Variants in SLC8A1 observed in about 807,000 individuals in gnomAD.
SLC8A1 encodes solute carrier family 8 member A1.
Under a neutral mutation model 68.3 loss-of-function variants are expected in SLC8A1, and 18 were observed. The observed-to-expected ratio is 0.26, with a 90% CI of 0.18 to 0.39. The LOEUF is 0.39. Among genes scored for constraint, SLC8A1 ranks in the 10% least tolerant of loss-of-function variants. The pLI is 1.00. For missense variants in SLC8A1, 985 were observed against 1,156.7 expected (o/e 0.85, Z 2.15); for synonymous variants, 475 against 415.5 (o/e 1.14, Z -1.74).
rs543749003 is a variant in SLC8A1, at chr2:40,434,194, G to A, written c.-24-3890C>T. On this transcript the variant is annotated intron_variant, in intron 1 of 7. Transcript: ENST00000406785. ...GTAAAAATCCATCATCATTATCAGA[G>A]AAAAAGGAAGGGGGCTTCCGGTGTT... Among the ~76,000 whole-genome samples, 11 of 152,188 alleles carry A rather than the reference G, an allele frequency of 7.2e-5. 1 individual carries two copies. The South Asian group carries it at 2.1e-3, about 29-fold the overall frequency.
At chr2:40,376,764 G>T (rs912752077) in intron 2 of SLC8A1, among the ~76,000 whole-genome samples, 5 of 152,032 alleles carry the variant, frequency 3.3e-5, no homozygotes, top group Non-Finnish European at 7.4e-5. Flanking sequence ...TTGAGCAGCT[G>T]GGCTAGCAGA....
intron 2 of SLC8A1, among the ~76,000 whole-genome samples, chr2:40,323,938 A>C (rs1379006149): frequency 6.6e-6 from 1 of 152,006 alleles, no homozygotes; most frequent in Non-Finnish European, 1.5e-5. Flanking sequence ...AGTCTGTACA[A>C]AATTTTGCTT....
At chr2:40,464,224 G>T (rs755237110) in intron 1 of SLC8A1, among the ~76,000 whole-genome samples, 1 of 152,210 alleles carries the variant, frequency 6.6e-6, no homozygotes. Flanking sequence ...TATATTTCGG[G>T]CAGTTCCCTG....
At chr2:40,496,521 T>C (rs1705712614) in intron 1 of SLC8A1, among the ~76,000 whole-genome samples, 1 of 152,008 alleles carries the variant, frequency 6.6e-6, no homozygotes, top group Non-Finnish European at 1.5e-5. Context: ...AGCTTGACTT[T>C]TAAAAGGTTA....
intron 2 of SLC8A1, among the ~76,000 whole-genome samples, chr2:40,343,744 T>A (rs1410121892): frequency 6.6e-6 from 1 of 152,104 alleles, no homozygotes; most frequent in South Asian, 2.1e-4. Flanking sequence ...CTGAGAAAAA[T>A]ATGAATGGGA....
intron 2 of SLC8A1, among the ~76,000 whole-genome samples, chr2:40,326,808 T>C (rs965737326): frequency 2.0e-5 from 3 of 152,176 alleles, no homozygotes; most frequent in Non-Finnish European, 4.4e-5. Context: ...ATTCTCTTAA[T>C]CTAATCTGTT....
At chr2:40,345,177 T>G (rs954676489) in intron 2 of SLC8A1, among the ~76,000 whole-genome samples, 1 of 151,944 alleles carries the variant, frequency 6.6e-6, no homozygotes, top group Non-Finnish European at 1.5e-5. Context: ...GAGTGAAGGG[T>G]AGATGTTTTG....
At chr2:40,391,236 A>T (rs1272797440) in intron 2 of SLC8A1, among the ~76,000 whole-genome samples, 1 of 151,616 alleles carries the variant, frequency 6.6e-6, no homozygotes, top group African/African-American at 2.4e-5. Context: ...GTACATATGC[A>T]CACTCACAAA....
chr2:40,270,466 T>C (rs932038888), intron 2 of SLC8A1, among the ~76,000 whole-genome samples: 1 of 152,222 alleles, frequency 6.6e-6, no homozygotes. Flanking sequence ...TCTGTTTCCT[T>C]GCCTTTTCCA....
At chr2:40,457,344 C>A (rs564951322) in intron 1 of SLC8A1, among the ~76,000 whole-genome samples, 1 of 152,276 alleles carries the variant, frequency 6.6e-6, no homozygotes, top group African/African-American at 2.4e-5. Flanking sequence ...GATTACACTT[C>A]AGCCTTTTTC....
At chr2:40,293,928 C>T (rs185939447) in intron 2 of SLC8A1, among the ~76,000 whole-genome samples, 8 of 152,136 alleles carry the variant, frequency 5.3e-5, no homozygotes, top group African/African-American at 9.6e-5. Flanking sequence ...ATTGATTGGG[C>T]GCAAAGATCA....
chr2:40,489,478 C>G (rs541523809), intron 1 of SLC8A1, among the ~76,000 whole-genome samples: 1 of 152,050 alleles, frequency 6.6e-6, no homozygotes, highest in Non-Finnish European at 1.5e-5. Context: ...TGCCTTTTCA[C>G]CCACCGAAAA....
intron 7 of SLC8A1, among the ~76,000 whole-genome samples, chr2:40,128,433 A>G (rs2038610042): frequency 6.6e-6 from 1 of 152,184 alleles, no homozygotes; most frequent in Non-Finnish European, 1.5e-5. Context: ...TAATGGTTGT[A>G]ATGGATTTGA....
At chr2:40,386,715 T>C (rs947057124) in intron 2 of SLC8A1, among the ~76,000 whole-genome samples, 4 of 150,838 alleles carry the variant, frequency 2.7e-5, no homozygotes, top group East Asian at 1.9e-4. Context: ...CATATATTCA[T>C]GTACGGAAAC....
At chr2:40,491,400 T>G (rs953478310) in intron 1 of SLC8A1, among the ~76,000 whole-genome samples, 9 of 152,158 alleles carry the variant, frequency 5.9e-5, no homozygotes, top group African/African-American at 1.7e-4. Context: ...ACAATGGGGT[T>G]TTCTAGATAT....
chr2:40,464,068 T>C lies in SLC8A1; in HGVS notation c.-24-33764A>G, dbSNP rs114891547. 9.0e-3 allele frequency among the ~76,000 whole-genome samples: 1,366 copies of C among 152,190 alleles called. 7 individuals are homozygous for C. Among genetic ancestry groups the C allele is most frequent in the Non-Finnish European group, 0.014 (976 of 67,992 alleles). On this transcript the variant is annotated intron_variant, in intron 1 of 7. Coordinates refer to the SLC8A1 transcript ENST00000402441. ...TGCCACCACGCCAGGCTAGTTATTGTATTTTTAGTAGAGACGGGGTTTCAC... is the reference window on the plus strand; with the variant it reads ...TGCCACCACGCCAGGCTAGTTATTGCATTTTTAGTAGAGACGGGGTTTCAC...
intron 2 of SLC8A1, among the ~76,000 whole-genome samples, chr2:40,401,075 C>T (rs533735840): frequency 1.3e-5 from 2 of 152,288 alleles, no homozygotes; most frequent in Admixed American, 1.3e-4. Flanking sequence ...GAGGTGGGCA[C>T]ATTTATTACT....
chr2:40,130,857 C>T (rs2110923), intron 7 of SLC8A1, among the ~76,000 whole-genome samples: 28,922 of 152,164 alleles, frequency 0.19, 2,961 homozygotes, highest in African/African-American at 0.25. Context: ...GTCAGTGAAA[C>T]TGCAGGAAAC....
intron 1 of SLC8A1, among the ~76,000 whole-genome samples, chr2:40,491,493 T>C (rs1300359755): frequency 6.6e-6 from 1 of 152,130 alleles, no homozygotes; most frequent in East Asian, 1.9e-4. Flanking sequence ...TCCTGCCTAA[T>C]TGCCCTGGCC....
Sources: allele counts gnomAD v4.1 joint callset (sites outside exome capture counted in the v4.1 genomes callset), GRCh38; gene constraint gnomAD v4.1.1; transcripts MANE v1.5; gene names NCBI Gene and HGNC (gene_info 2026-07-23, HGNC 2026-07-21).